Variants in LBP observed in about 807,000 individuals in gnomAD.
LBP encodes the protein lipopolysaccharide binding protein, also known as lipopolysaccharide-binding protein.
Under a neutral mutation model 56.6 loss-of-function variants are expected in LBP, and 53 were observed. That is an observed-to-expected ratio of 0.94 (90% CI 0.75 to 1.18). The LOEUF is 1.18. Among genes scored for constraint, LBP ranks in the 50% most tolerant of loss-of-function variants. The pLI, the probability that LBP is intolerant of heterozygous loss-of-function variation, is 0.00. For missense variants in LBP, 601 were observed against 598.3 expected, an observed-to-expected ratio of 1.00 and a Z score of -0.05; for synonymous variants, 227 against 247.5, an observed-to-expected ratio of 0.92 and a Z score of 0.78.
At chr20:38,349,713 A>G (rs1372441803) in intron 2 of LBP, 51 bp downstream of exon 2, 2 of 1,326,672 alleles carry the variant, frequency 1.5e-6, no homozygotes, top group Non-Finnish European at 2.1e-6. Context: ...GCTGGCTGTC[A>G]GGGGGAATTG....
chr20:38,353,996 A>AT (rs1444614269), intron 3 of LBP, among the ~76,000 whole-genome samples: 2 of 151,052 alleles, frequency 1.3e-5, no homozygotes, highest in South Asian at 4.2e-4. Context: ...TACATATGGC[A>AT]TTTTTTTTGT....
intron 9 of LBP, among the ~76,000 whole-genome samples, chr20:38,368,244 AG>A (rs2076889513): frequency 6.6e-6 from 1 of 152,072 alleles, no homozygotes; most frequent in Non-Finnish European, 1.5e-5. Context: ...AGAGGTAGGG[AG>A]GGAGAAAAAA....
chr20:38,375,852 AG>A (rs930673914), intron 14 of LBP, among the ~76,000 whole-genome samples: 4 of 152,132 alleles, frequency 2.6e-5, no homozygotes, highest in African/African-American at 9.7e-5. Flanking sequence ...AATGAAGGGC[AG>A]GGGGGATGAT....
At chr20:38,365,711 AAAAAAAAT>A (rs1248454437) in intron 8 of LBP, among the ~76,000 whole-genome samples, 47 of 38,574 alleles carry the variant, frequency 1.2e-3, no homozygotes, top group African/African-American at 3.4e-3. Context: ...AAAAAAAAAA[AAAAAAAAT>A]ATATATATAT....
Position 38,365,696 on chromosome 20 carries a change from CAAAAAAA to C in LBP, c.921+960_921+966del, listed in dbSNP as rs1170058556. Among the ~76,000 whole-genome samples, 558 of 103,668 alleles carry C rather than the reference CAAAAAAA, an allele frequency of 5.4e-3. 1 individual carries two copies. Among genetic ancestry groups the C allele is most frequent in the African/African-American group, 0.013 (388 of 29,046 alleles). The allele number at this position is 103,668 out of a possible 152,430, so 68.0% of individuals were successfully genotyped here. A position where few individuals can be genotyped will look rare whatever the true frequency, so the allele number is the denominator to read the frequency against. ...TGGGCAACAGAGTGAGACTGCATCTCAAAAAAAAAAAAAAAAAAAAAATATATATATA... is the reference window on the plus strand; with the variant it reads ...TGGGCAACAGAGTGAGACTGCATCTCAAAAAAAAAAAAAAATATATATATA... On this transcript the variant is annotated intron_variant, in intron 8 of 14. Coordinates refer to ENST00000217407, the MANE Select transcript of LBP (RefSeq NM_004139.5).
chr20:38,367,715 AC>A (rs1600729254), intron 9 of LBP, among the ~76,000 whole-genome samples: 1 of 152,236 alleles, frequency 6.6e-6, no homozygotes, highest in South Asian at 2.1e-4. Flanking sequence ...GAAGCATTTT[AC>A]CCCCTCAGCC....
chr20:38,370,010 G>T (rs189108751), intron 10 of LBP, among the ~76,000 whole-genome samples: 11 of 152,092 alleles, frequency 7.2e-5, no homozygotes, highest in South Asian at 2.1e-4. Flanking sequence ...CTTCCTAGAG[G>T]CTATATCTGC....
At chr20:38,357,124 A>G (rs145503460) in intron 5 of LBP, among the ~76,000 whole-genome samples, 11,169 of 152,220 alleles carry the variant, frequency 0.073, 1,322 homozygotes, top group African/African-American at 0.25. Context: ...CAAAGTGCTG[A>G]GATTACAGGC....
chr20:38,359,598 CAAAA>C (rs111643275), intron 5 of LBP, among the ~76,000 whole-genome samples: 7 of 146,760 alleles, frequency 4.8e-5, no homozygotes, highest in Admixed American at 1.4e-4. Context: ...CAAACAACAA[CAAAA>C]AAAAAAACTC....
rs2232586 is a variant in LBP, at chr20:38,354,385, C to G, written c.470C>G (p.Ser157Cys). Residue 157 changes from serine to cysteine, a missense_variant, in exon 4 of 15, where the codon TCC becomes TGC. Transcript: ENST00000217407. ...ESSGRPTVTASSCSSDIADVE... is the reference protein window; with the variant it reads ...ESSGRPTVTACSCSSDIADVE... ...TCCGGGAGGCCCACAGTTACTGCCT[C>G]CAGCTGCAGCAGTGACATCGCTGAC... The G allele has an allele frequency of 6.7e-4, 1,081 of 1,613,540 alleles. 10 individuals carry two copies. The African/African-American group carries it at 0.013, about 19-fold the overall frequency.
At chr20:38,362,339 G>C (rs1441496897) in intron 6 of LBP, among the ~76,000 whole-genome samples, 6 of 145,988 alleles carry the variant, frequency 4.1e-5, no homozygotes, top group Non-Finnish European at 9.1e-5. Flanking sequence ...GATTGCAGGC[G>C]TGAGAGCTCA....
chr20:38,351,036 A>G lies in LBP; in HGVS notation c.368+97A>G, dbSNP rs149100044. 322 of 1,485,848 alleles carry G rather than the reference A, an allele frequency of 2.2e-4. No homozygotes were observed. In the East Asian group the frequency reaches 6.3e-3, roughly 29 times the overall value. The allele number at this position is 1,485,848 out of a possible 1,614,324, so 92.0% of individuals were successfully genotyped here. On this transcript the variant is annotated intron_variant, in intron 3 of 14. Transcript: ENST00000217407. ...GTGTTCCTAGCTTATCAGAAAGGCC[A>G]CGTGATGGACAGATGGAGTCCAAGC...
chr20:38,364,901 C>A, intron 8 of LBP, 149 bp downstream of exon 8: 1 of 789,104 alleles, frequency 1.3e-6, no homozygotes, highest in East Asian at 2.7e-5. Context: ...AGCACAATCT[C>A]CCTTTTTACT....
At chr20:38,349,200 A>G (rs2076811801) in intron 1 of LBP, among the ~76,000 whole-genome samples, 1 of 152,200 alleles carries the variant, frequency 6.6e-6, no homozygotes, top group African/African-American at 2.4e-5. Context: ...TCTAGCCCCC[A>G]GATCCTTCCA....
intron 12 of LBP, among the ~76,000 whole-genome samples, chr20:38,372,248 T>G (rs887569932): frequency 3.3e-5 from 5 of 152,220 alleles, no homozygotes; most frequent in African/African-American, 9.6e-5. Flanking sequence ...TCCATGATGC[T>G]GGCCTCCACT....
chr20:38,352,035 C>T lies in LBP; in HGVS notation c.368+1096C>T, dbSNP rs926257833. On this transcript the variant is annotated intron_variant, in intron 3 of 14. Transcript: ENST00000217407. The stretch of plus-strand genomic sequence containing the variant: ...CCTGGGGGACAGAGCGAGACTCCAT[C>T]TCTAAAAAAAAAAAAAAAGAAAAAA... 4.1e-5 allele frequency among the ~76,000 whole-genome samples: 6 copies of T among 147,508 alleles called. No homozygotes were observed. In the East Asian group the frequency reaches 9.8e-4, roughly 24 times the overall value.
At position 38,371,282 on chromosome 20, in the gene LBP, T is replaced by C; in HGVS notation, c.1220T>C (p.Val407Ala). The C allele has an allele frequency of 6.2e-7, 1 of 1,611,238 alleles. No individual in the cohort carries two copies. Among genetic ancestry groups the C allele is most frequent in the East Asian group, 2.2e-5 (1 of 44,854 alleles). Reference protein sequence around the residue: ...KITGFLKPGKVKVELKESKVG... With the variant: ...KITGFLKPGKAKVELKESKVG... ...TAATCTTCTCTGATTCATTACAGGG[T>C]AAAAGTGGAACTGAAAGAATCCAAA... The change falls in exon 12 of 15, where the codon GTA (valine) becomes GCA (alanine). Residue 407 changes from valine to alanine, a missense_variant and splice_region_variant. By Grantham distance (64) the Val-to-Ala change is moderately conservative. Transcript: ENST00000217407.
intron 5 of LBP, 137 bp from the exon 6 acceptor site, chr20:38,360,567 C>T: frequency 1.6e-6 from 1 of 635,894 alleles, no homozygotes; most frequent in Non-Finnish European, 2.8e-6. Context: ...GTACCTGGCT[C>T]ATGACAAGCA....
rs777102397 is a variant in LBP, at chr20:38,366,814, C to G, written c.967C>G (p.Pro323Ala). The change falls in exon 9 of 15, where the codon CCC becomes GCC. Residue 323 changes from proline (P) to alanine (A), a missense_variant. Coordinates refer to ENST00000217407, the MANE Select transcript of LBP (RefSeq NM_004139.5). ...CCGACTGACCACCAAGTCCTTCCGA[C>G]CCTTCGTCCCACGGGTAAGGAGTCC... is the stretch of plus-strand genomic sequence containing the variant. ...NIRLTTKSFR[P>A]FVPRLARLYP... 1 of 1,614,166 alleles carries G rather than the reference C, an allele frequency of 6.2e-7. No homozygotes were observed. Among genetic ancestry groups the G allele is most frequent in the Non-Finnish European group, 8.5e-7 (1 of 1,180,000 alleles).
Sources: gnomAD v4.1 joint callset for allele counts (sites outside exome capture counted in the v4.1 genomes callset) on GRCh38, gnomAD v4.1.1 for gene constraint, MANE v1.5 for transcripts, NCBI Gene and HGNC (gene_info 2026-07-23, HGNC 2026-07-21) for gene names.